The following AKR1C3 variants were observed in gnomAD, a reference collection of about 807,000 sequenced individuals.
AKR1C3 encodes the protein aldo-keto reductase family 1 member C3.
In AKR1C3, 48 loss-of-function variants were observed where a neutral mutation model predicts 43.6. The ratio of observed to expected loss-of-function variants is 1.10; its 90% CI spans 0.87 to 1.40. The LOEUF is 1.40. AKR1C3 is among the 40% of genes most tolerant of loss of function. AKR1C3 has a pLI of 0.00. For missense variants in AKR1C3, 482 were observed against 391.2 expected, an observed-to-expected ratio of 1.23 and a Z score of -1.96; for synonymous variants, 162 against 139.6, an observed-to-expected ratio of 1.16 and a Z score of -1.13.
At chr10:5,101,198 C>T (rs1432231863) in intron 5 of AKR1C3, among the ~76,000 whole-genome samples, 1 of 152,108 alleles carries the variant, frequency 6.6e-6, no homozygotes, top group Non-Finnish European at 1.5e-5. Context: ...TCATAGGTTT[C>T]CCATTCAGCA....
At chr10:5,077,884 T>C (rs1263490518) in intron 1 of AKR1C3, 1 of 600,094 alleles carries the variant, frequency 1.7e-6, no homozygotes. Flanking sequence ...AAGATCAGAA[T>C]TCTTTGAATC....
At chr10:5,086,107 C>T (rs1838959856) in intron 1 of AKR1C3, among the ~76,000 whole-genome samples, 1 of 151,654 alleles carries the variant, frequency 6.6e-6, no homozygotes, top group Admixed American at 6.6e-5. Flanking sequence ...TTATTTCTTG[C>T]CTTCTGCTAG....
intron 1 of AKR1C3, among the ~76,000 whole-genome samples, chr10:5,071,510 C>T (rs1297603766): frequency 4.6e-5 from 7 of 152,170 alleles, no homozygotes; most frequent in Admixed American, 6.5e-5. Flanking sequence ...CACAGTGGCA[C>T]GGATTCTCTT....
intron 7 of AKR1C3, 73 bp from the exon 8 acceptor site, chr10:5,105,522 C>G (rs1839477897): frequency 1.8e-6 from 2 of 1,135,404 alleles, no homozygotes; most frequent in African/African-American, 3.1e-5. Context: ...TGTCTCTGCA[C>G]CCTACTGTCT....
chr10:5,107,577 G>A lies in AKR1C3; in HGVS notation c.*74G>A, dbSNP rs587695460. On this transcript the variant is annotated 3_prime_UTR_variant, in exon 9 of 9. Coordinates refer to ENST00000380554, the MANE Select transcript of AKR1C3 (RefSeq NM_003739.6). Reference sequence around the variant, plus strand: ...TGACGCAGAGGACGTCTCTATGCCGGTGACTGGACATATCACCTCTACTTA... The same window carrying A: ...TGACGCAGAGGACGTCTCTATGCCGATGACTGGACATATCACCTCTACTTA... 2.1e-5 allele frequency: 26 copies of A among 1,214,480 alleles called. No individual in the cohort carries two copies. The East Asian group carries it at 6.0e-4, about 28-fold the overall frequency. The allele number at this position is 1,214,480 out of a possible 1,614,324, so 75.2% of individuals were successfully genotyped here.
At chr10:5,059,447 A>G (rs1838332769) in intron 1 of AKR1C3, among the ~76,000 whole-genome samples, 2 of 152,154 alleles carry the variant, frequency 1.3e-5, no homozygotes, top group Admixed American at 6.5e-5. Context: ...GGGTCAACCA[A>G]CTTGTCATCA....
chr10:5,082,601 T>C (rs1554782495), intron 1 of AKR1C3, among the ~76,000 whole-genome samples: 1 of 152,168 alleles, frequency 6.6e-6, no homozygotes, highest in South Asian at 2.1e-4. Context: ...TCATGTTCAG[T>C]GATTTGTGTA....
chr10:5,100,517 ATTG>A (rs1839320354), intron 5 of AKR1C3, among the ~76,000 whole-genome samples: 1 of 152,084 alleles, frequency 6.6e-6, no homozygotes, highest in Non-Finnish European at 1.5e-5. Context: ...CCCCTGAGTT[ATTG>A]TTAATGATTC....
chr10:5,080,517 A>C (rs1462239822), intron 1 of AKR1C3, among the ~76,000 whole-genome samples: 1 of 152,112 alleles, frequency 6.6e-6, no homozygotes, highest in Non-Finnish European at 1.5e-5. Flanking sequence ...CCAGCTACTC[A>C]TGAGGCTGAG....
At chr10:5,085,080 G>C (rs1554782877) in intron 1 of AKR1C3, among the ~76,000 whole-genome samples, 1 of 151,960 alleles carries the variant, frequency 6.6e-6, no homozygotes, top group African/African-American at 2.4e-5. Flanking sequence ...TCCTTCTCCT[G>C]CCTGATTGCC....
At chr10:5,098,214 C>CA in intron 3 of AKR1C3, 1 of 976,832 alleles carries the variant, frequency 1.0e-6, no homozygotes, top group African/African-American at 1.7e-5. Context: ...AAATAGTCTA[C>CA]AAAAATGTAT....
intron 1 of AKR1C3, among the ~76,000 whole-genome samples, chr10:5,065,893 T>G (rs529282926): frequency 8.5e-5 from 13 of 152,258 alleles, no homozygotes; most frequent in African/African-American, 2.7e-4. Context: ...CAGCTGGTCT[T>G]TCTTCTGTAG....
intron 1 of AKR1C3, among the ~76,000 whole-genome samples, chr10:5,075,118 C>T: frequency 6.6e-6 from 1 of 152,182 alleles, no homozygotes; most frequent in East Asian, 1.9e-4. Flanking sequence ...AAGACCTCTG[C>T]TAGCCAGGCC....
chr10:5,085,502 A>G lies in AKR1C3; in HGVS notation c.85-10908A>G, dbSNP rs149689346. 2.2e-4 allele frequency among the ~76,000 whole-genome samples: 34 copies of G among 151,918 alleles called. No individual in the cohort carries two copies. In the East Asian group the frequency reaches 4.8e-3, roughly 22 times the overall value. On this transcript the variant is annotated intron_variant, in intron 1 of 8. Coordinates refer to the AKR1C3 transcript ENST00000439082. ...CCAGTATTTTATTGAGGATTTTTGC[A>G]TCGATTTCATCAGGGACATTGGTCT...
upstream of AKR1C3, among the ~76,000 whole-genome samples, chr10:5,091,833 C>G (rs1199577670): frequency 6.6e-6 from 1 of 152,066 alleles, no homozygotes; most frequent in Non-Finnish European, 1.5e-5. Context: ...TAGAATAAAA[C>G]CAAACTTTCA....
chr10:5,058,122 C>A (rs1400614130), intron 1 of AKR1C3, among the ~76,000 whole-genome samples: 1 of 152,040 alleles, frequency 6.6e-6, no homozygotes, highest in East Asian at 1.9e-4. Context: ...TTATTTCCTT[C>A]TGGGCGGGGG....
At chr10:5,064,427 A>G (rs759567632) in intron 1 of AKR1C3, among the ~76,000 whole-genome samples, 1 of 152,110 alleles carries the variant, frequency 6.6e-6, no homozygotes, top group Non-Finnish European at 1.5e-5. Flanking sequence ...ACTATGAAAA[A>G]CCCTTGAAGA....
In AKR1C3 at chr10:5,094,508, G is replaced by A. The variant is rs1554784870; in HGVS notation, c.64G>A (p.Gly22Ser). 2 of 1,612,788 alleles carry A rather than the reference G, an allele frequency of 1.2e-6. No individual in the cohort carries two copies. The highest frequency in any genetic ancestry group is 1.7e-6 in the Non-Finnish European group (2 of 1,179,020). Residue 22 changes from glycine to serine, a missense_variant, in exon 1 of 9, where the codon GGC becomes AGC. Transcript: ENST00000380554. ...DGHFMPVLGF[G>S]TYAPPEVPRS... ...CCACTTCATGCCTGTATTGGGATTT[G>A]GCACCTATGCACCTCCAGAGGTAAG... is the stretch of plus-strand genomic sequence containing the variant.
chr10:5,081,837 T>G (rs1207376560), intron 1 of AKR1C3: 1 of 152,198 alleles, frequency 6.6e-6, no homozygotes, highest in Non-Finnish European at 1.5e-5. Context: ...ATTTGATCAC[T>G]CATCAGGAGC....
Sources: gnomAD v4.1 joint callset for allele counts (sites outside exome capture counted in the v4.1 genomes callset) on GRCh38, gnomAD v4.1.1 for gene constraint, MANE v1.5 for transcripts, NCBI Gene and HGNC (gene_info 2026-07-23, HGNC 2026-07-21) for gene names.